Variants in ARHGEF37 observed in about 807,000 individuals in gnomAD.
ARHGEF37 encodes Rho guanine nucleotide exchange factor 37.
A neutral mutation model predicts 71.1 loss-of-function variants in ARHGEF37; 55 were observed. That is an observed-to-expected ratio of 0.77 (90% confidence interval 0.62 to 0.97). The LOEUF (loss-of-function observed/expected upper bound fraction) is 0.97. Ranked by LOEUF, ARHGEF37 falls within the 50% of genes least tolerant of loss-of-function variation. The pLI is 0.00. For synonymous variants in ARHGEF37, 327 were observed against 350.6 expected, an observed-to-expected ratio of 0.93 and a Z score of 0.75; for missense variants, 765 against 836.8, an observed-to-expected ratio of 0.91 and a Z score of 1.06.
At position 149,583,229 on chromosome 5, in the gene ARHGEF37, C is replaced by T. The variant is rs183068665; in HGVS notation, c.-12+1605C>T. Among the ~76,000 whole-genome samples the T allele has an allele frequency of 5.3e-3, 802 of 152,286 alleles. 7 individuals carry two copies. Among genetic ancestry groups the T allele is most frequent in the African/African-American group, 0.014 (602 of 41,560 alleles). ...TTGGTTCACTGCAACCTCCGCCTCC[C>T]GGGTTCAAGCAATTCTCCTGCCTCA... On this transcript the variant is annotated intron_variant, in intron 1 of 12. Coordinates refer to ENST00000333677, the MANE Select transcript of ARHGEF37 (RefSeq NM_001001669.3).
At chr5:149,612,379 G>A (rs909788723) in intron 4 of ARHGEF37, among the ~76,000 whole-genome samples, 5 of 152,160 alleles carry the variant, frequency 3.3e-5, no homozygotes, top group Non-Finnish European at 5.9e-5. Context: ...GTGTTAGCCA[G>A]GATGGTCTCC....
Position 149,588,487 on chromosome 5 carries a change from TG to T in ARHGEF37, c.-12+6867del, listed in dbSNP as rs576365706. 7.3e-3 allele frequency among the ~76,000 whole-genome samples: 1,101 copies of T among 151,564 alleles called. 15 individuals carry two copies. Among genetic ancestry groups the T allele is most frequent in the African/African-American group, 0.024 (991 of 41,342 alleles). ...AAGTTTTCATATTTTTTAGCAGAGA[TG>T]GGGTTTTGCCATGTTGGCCAGGCTG... On this transcript the variant is annotated intron_variant, in intron 1 of 12. Coordinates refer to ENST00000333677, the MANE Select transcript of ARHGEF37 (RefSeq NM_001001669.3).
chr5:149,627,068 T>C lies in ARHGEF37; in HGVS notation c.1465-8T>C, dbSNP rs776682792. ...CACTTGTGTCTGTCTGTGCTCCTCC[T>C]CTCCCAGCCGCTCCTTCCAGGGTCT... On this transcript the variant is annotated splice_polypyrimidine_tract_variant and splice_region_variant and intron_variant, in intron 10 of 12. Transcript: ENST00000333677. 2 of 1,606,180 alleles carry C rather than the reference T, an allele frequency of 1.2e-6. No homozygotes were observed. Among genetic ancestry groups the C allele is most frequent in the Middle Eastern group, 1.7e-4 (1 of 6,006 alleles).
rs906035377 is a variant in ARHGEF37 at position 149,632,388 on chromosome 5, C to G, written c.*197C>G. The G allele has an allele frequency of 4.1e-5, 25 of 608,224 alleles. No individual in the cohort carries two copies. Among genetic ancestry groups the G allele is most frequent in the Non-Finnish European group, 6.3e-5 (22 of 347,022 alleles). The allele number at this position is 608,224 out of a possible 1,614,324, so 37.7% of individuals were successfully genotyped here. Reference sequence around the variant, plus strand: ...TGGTGTGGTGGGGGCACAGGAGGCTCCAGCCAGGACTGCTCATTATGTCTG... The same window carrying G: ...TGGTGTGGTGGGGGCACAGGAGGCTGCAGCCAGGACTGCTCATTATGTCTG... On this transcript the variant is annotated 3_prime_UTR_variant, in exon 13 of 13. Transcript: ENST00000333677.
chr5:149,591,908 CA>C (rs1005820626), intron 1 of ARHGEF37, among the ~76,000 whole-genome samples: 4 of 152,306 alleles, frequency 2.6e-5, no homozygotes, highest in African/African-American at 9.6e-5. Context: ...ATATTTCATA[CA>C]TTTTTTACTT....
intron 4 of ARHGEF37, among the ~76,000 whole-genome samples, chr5:149,612,852 A>C (rs2113350897): frequency 6.6e-6 from 1 of 152,352 alleles, no homozygotes; most frequent in East Asian, 1.9e-4. Flanking sequence ...GCACCAGGTT[A>C]TTAGATTCCT....
At chr5:149,581,871 C>T (rs951280342) in intron 1 of ARHGEF37, among the ~76,000 whole-genome samples, 1 of 152,158 alleles carries the variant, frequency 6.6e-6, no homozygotes, top group South Asian at 2.1e-4. Flanking sequence ...GGGAGGTTAG[C>T]CGGCCTGGAA....
At chr5:149,558,521 A>T (rs1762782832) in intron 1 of ARHGEF37, among the ~76,000 whole-genome samples, 1 of 152,002 alleles carries the variant, frequency 6.6e-6, no homozygotes, top group South Asian at 2.1e-4. Flanking sequence ...CACCAAAAAA[A>T]TAAGAAAGAA....
intron 1 of ARHGEF37, among the ~76,000 whole-genome samples, chr5:149,565,829 ATTTTTTTTTTTTTTT>A (rs201683478): frequency 4.7e-4 from 40 of 84,486 alleles, no homozygotes; most frequent in Admixed American, 6.8e-4. Context: ...AGAAACTCTA[ATTTTTTTTTTTTTTT>A]TTTTTTTTTT....
chr5:149,594,573 A>G (rs558406542), intron 1 of ARHGEF37, among the ~76,000 whole-genome samples: 2 of 152,352 alleles, frequency 1.3e-5, no homozygotes, highest in East Asian at 1.9e-4. Context: ...TAATACATCC[A>G]TAAGAACCAT....
At chr5:149,569,226 CAT>C (rs1230017254) in intron 1 of ARHGEF37, among the ~76,000 whole-genome samples, 3 of 151,996 alleles carry the variant, frequency 2.0e-5, no homozygotes, top group South Asian at 4.1e-4. Flanking sequence ...TCTGTGGGCA[CAT>C]GTTTTCATTT....
At chr5:149,555,971 A>C (rs1762748861) in intron 1 of ARHGEF37, among the ~76,000 whole-genome samples, 1 of 152,162 alleles carries the variant, frequency 6.6e-6, no homozygotes, top group Non-Finnish European at 1.5e-5. Context: ...ATGTTTTAAA[A>C]TAATAAAAAC....
intron 1 of ARHGEF37, among the ~76,000 whole-genome samples, chr5:149,589,340 AT>A (rs1561790816): frequency 1.3e-5 from 2 of 151,798 alleles, no homozygotes; most frequent in Non-Finnish European, 2.9e-5. Context: ...TAATTAATTA[AT>A]TTATAAGACA....
Position 149,632,071 on chromosome 5 carries a change from CAAG to C in ARHGEF37, c.1912_1914del (p.Lys638del), listed in dbSNP as rs1752900669. The C allele has an allele frequency of 4.3e-6, 7 of 1,614,136 alleles. No homozygotes were observed. Among genetic ancestry groups the C allele is most frequent in the Non-Finnish European group, 5.9e-6 (7 of 1,180,056 alleles). On this transcript the variant is annotated inframe_deletion, in exon 13 of 13. Coordinates refer to ENST00000333677, the MANE Select transcript of ARHGEF37 (RefSeq NM_001001669.3). ...CTGTGACCATCCTGGAGGCCCAGGA[CAAG>C]AAGGGGAACCCTGAGTGGAGCCTGG... is the stretch of plus-strand genomic sequence containing the variant.
In ARHGEF37 at chr5:149,632,016, G is replaced by A; in HGVS notation, c.1853G>A (p.Ser618Asn). The change falls in exon 13 of 13, where the codon AGC becomes AAC. Residue 618 changes from serine to asparagine, a missense_variant. This residue lies in a region of ARHGEF37 where 390 missense variants were observed against 407.4 expected (regional missense o/e 0.96). Coordinates refer to ENST00000333677, the MANE Select transcript of ARHGEF37 (RefSeq NM_001001669.3). ...IAAYPFVARS[S>N]HEVSLQAGQP... is the part of the protein sequence containing the mutation. ...GCGTACCCTTTTGTGGCCAGAAGCAGCCATGAAGTGAGCCTGCAGGCAGGC... is the reference window on the plus strand; with the variant it reads ...GCGTACCCTTTTGTGGCCAGAAGCAACCATGAAGTGAGCCTGCAGGCAGGC... The A allele has an allele frequency of 1.2e-6, 2 of 1,614,266 alleles. No homozygotes were observed. Among genetic ancestry groups the A allele is most frequent in the Non-Finnish European group, 1.7e-6 (2 of 1,180,046 alleles).
chr5:149,616,452 G>T, intron 4 of ARHGEF37, 115 bp from the exon 5 acceptor site: 1 of 952,472 alleles, frequency 1.0e-6, no homozygotes, highest in Non-Finnish European at 1.5e-6. Context: ...CAGAGAGGGG[G>T]TGACTTGCCT....
chr5:149,627,524 C>G (rs772288245), intron 11 of ARHGEF37, among the ~76,000 whole-genome samples: 1 of 152,214 alleles, frequency 6.6e-6, no homozygotes, highest in Non-Finnish European at 1.5e-5. Context: ...GTGCTGGGCG[C>G]TGAGCATATA....
intron 2 of ARHGEF37, 62 bp from the exon 3 acceptor site, chr5:149,601,046 A>C: frequency 6.4e-7 from 1 of 1,569,920 alleles, no homozygotes; most frequent in East Asian, 2.3e-5. Context: ...TACTCTCAAA[A>C]GCCTGCAAAT....
At chr5:149,589,765 C>T (rs1240257651) in intron 1 of ARHGEF37, among the ~76,000 whole-genome samples, 24 of 152,086 alleles carry the variant, frequency 1.6e-4, no homozygotes, top group South Asian at 1.2e-3. Flanking sequence ...GTGATCCTCC[C>T]GTCTTGGCCT....
Sources: allele counts gnomAD v4.1 joint callset (sites outside exome capture counted in the v4.1 genomes callset), GRCh38; gene constraint gnomAD v4.1.1; regional missense constraint gnomAD v4.1.1; transcripts MANE v1.5; gene names NCBI Gene and HGNC (gene_info 2026-07-23, HGNC 2026-07-21).